Variants in RASA2 observed in about 807,000 individuals in gnomAD.
RASA2 encodes RAS p21 protein activator 2, also known as ras GTPase-activating protein 2.
Under a neutral mutation model 118.2 loss-of-function variants are expected in RASA2, and 155 were observed. The ratio of observed to expected loss-of-function variants is 1.31; its 90% confidence interval spans 1.15 to 1.50. The LOEUF is 1.50. Among genes scored for constraint, RASA2 ranks in the 40% most tolerant of loss-of-function variants. The pLI is 0.00. For missense variants in RASA2, 1,016 were observed against 1,009.6 expected, an observed-to-expected ratio of 1.01 and a Z score of -0.09; for synonymous variants, 353 against 349.1, an observed-to-expected ratio of 1.01 and a Z score of -0.12.
chr3:141,512,193 G>C lies in RASA2; in HGVS notation c.164G>C (p.Gly55Ala), dbSNP rs1185801912. 7 of 1,606,378 alleles carry C rather than the reference G, an allele frequency of 4.4e-6. No homozygotes were observed. Among genetic ancestry groups the C allele is most frequent in the Non-Finnish European group, 5.9e-6 (7 of 1,177,918 alleles). The part of the protein sequence containing the change: ...CEAKNLLPYL[G>A]PHKMRDCFCT... ...GCAAAAAATTTATTGCCATATCTTG[G>C]ACCCCACAAAATGAGAGATTGTTTC... The change falls in exon 2 of 24, where the codon GGA becomes GCA. Residue 55 changes from glycine (G) to alanine (A), a missense_variant. By Grantham distance (60) the Gly-to-Ala change is moderately conservative. Coordinates refer to ENST00000286364, the MANE Select transcript of RASA2 (RefSeq NM_006506.5).
intron 3 of RASA2, among the ~76,000 whole-genome samples, chr3:141,527,326 TCTA>T (rs2082199023): frequency 6.6e-6 from 1 of 152,128 alleles, no homozygotes; most frequent in South Asian, 2.1e-4. Flanking sequence ...TCACCAGAAG[TCTA>T]CTGATTCGTT....
intron 1 of RASA2, among the ~76,000 whole-genome samples, chr3:141,495,320 G>T (rs959574172): frequency 3.9e-5 from 6 of 152,150 alleles, no homozygotes; most frequent in Non-Finnish European, 8.8e-5. Flanking sequence ...ATTGGCTCTA[G>T]AGTCCATCCT....
rs752800746 is a variant in RASA2 at position 141,586,873 on chromosome 3, A to G, written c.1933+121A>G. The stretch of plus-strand genomic sequence containing the variant: ...ATTACTGTAGTTTATGGTTTCTCAC[A>G]CTGATACATACGTACTAAGAATGAA... On this transcript the variant is annotated intron_variant, in intron 19 of 23. Coordinates refer to ENST00000286364, the MANE Select transcript of RASA2 (RefSeq NM_006506.5). 33 of 781,292 alleles carry G rather than the reference A, an allele frequency of 4.2e-5. 1 individual carries two copies. In the Admixed American group the frequency reaches 6.4e-4, roughly 15 times the overall value. The allele number at this position is 781,292 out of a possible 1,614,324, so 48.4% of individuals were successfully genotyped here.
At chr3:141,515,862 T>C (rs2082015499) in intron 2 of RASA2, among the ~76,000 whole-genome samples, 1 of 144,240 alleles carries the variant, frequency 6.9e-6, no homozygotes. Context: ...ATCACGCCAC[T>C]GGACTCCAGC....
chr3:141,539,564 A>G (rs73869657), intron 4 of RASA2, among the ~76,000 whole-genome samples: 1,892 of 152,268 alleles, frequency 0.012, 43 homozygotes, highest in African/African-American at 0.043. Flanking sequence ...TAGATAATGA[A>G]CTTTCCTACC....
At chr3:141,564,193 C>T (rs1458171144) in intron 9 of RASA2, among the ~76,000 whole-genome samples, 1 of 151,988 alleles carries the variant, frequency 6.6e-6, no homozygotes, top group Non-Finnish European at 1.5e-5. Flanking sequence ...GACTGTAGGC[C>T]TGGTAATTTT....
chr3:141,515,805 C>G (rs2082014401), intron 2 of RASA2, among the ~76,000 whole-genome samples: 1 of 149,152 alleles, frequency 6.7e-6, no homozygotes, highest in Admixed American at 6.8e-5. Flanking sequence ...GAGGCTGAGG[C>G]AGGAGAATCG....
intron 1 of RASA2, among the ~76,000 whole-genome samples, chr3:141,489,571 T>C (rs2081616279): frequency 6.6e-6 from 1 of 152,206 alleles, no homozygotes; most frequent in Admixed American, 6.5e-5. Flanking sequence ...TGCTGGCAGA[T>C]TTTATACTAC....
chr3:141,594,582 A>G (rs571051406), intron 19 of RASA2, among the ~76,000 whole-genome samples: 13 of 152,268 alleles, frequency 8.5e-5, no homozygotes, highest in African/African-American at 2.6e-4. Flanking sequence ...TTGACAGCCA[A>G]CTCCTCATAA....
intron 7 of RASA2, among the ~76,000 whole-genome samples, chr3:141,556,987 G>A (rs2082659592): frequency 1.3e-5 from 2 of 152,100 alleles, no homozygotes; most frequent in African/African-American, 4.8e-5. Context: ...TATTAATGGC[G>A]GTTGCATCTA....
At chr3:141,517,420 G>C (rs542474466) in intron 3 of RASA2, among the ~76,000 whole-genome samples, 4 of 152,244 alleles carry the variant, frequency 2.6e-5, no homozygotes, top group Non-Finnish European at 5.9e-5. Flanking sequence ...AAAGGCAAAG[G>C]GGAAGCAAGC....
intron 22 of RASA2, 51 bp downstream of exon 22, chr3:141,609,574 C>G (rs1218786611): frequency 7.4e-7 from 1 of 1,347,056 alleles, no homozygotes; most frequent in African/African-American, 1.5e-5. Context: ...TTACCAATTC[C>G]TAAAGTATTG....
Position 141,516,431 on chromosome 3 carries a change from G to GGCT in RASA2, c.355+1_355+2insCTG. The GGCT allele has an allele frequency of 6.8e-7, 1 of 1,475,260 alleles. No individual in the cohort carries two copies. Among genetic ancestry groups the GGCT allele is most frequent in the Non-Finnish European group, 9.0e-7 (1 of 1,109,322 alleles). The allele number at this position is 1,475,260 out of a possible 1,614,324, so 91.4% of individuals were successfully genotyped here. ...TGTTTTACAAAGAGATCTCCGTATAGGTATGTACTATTCATAATTATCTTT... is the reference window on the plus strand; with the variant it reads ...TGTTTTACAAAGAGATCTCCGTATAGGCTGTATGTACTATTCATAATTATCTTT... On this transcript the variant is annotated stop_gained and inframe_insertion and splice_region_variant. Coordinates refer to ENST00000286364, the MANE Select transcript of RASA2 (RefSeq NM_006506.5). LOFTEE classifies it high-confidence loss of function.
intron 9 of RASA2, among the ~76,000 whole-genome samples, chr3:141,563,073 C>T (rs1480814988): frequency 6.6e-6 from 1 of 152,176 alleles, no homozygotes; most frequent in Admixed American, 6.5e-5. Context: ...TTTAATTACA[C>T]AGACCCTATG....
chr3:141,521,410 T>C (rs74539638), intron 3 of RASA2, among the ~76,000 whole-genome samples: 3,377 of 152,308 alleles, frequency 0.022, 135 homozygotes, highest in African/African-American at 0.076. Context: ...AGGCTATTGG[T>C]AGTTATTAAT....
intron 19 of RASA2, among the ~76,000 whole-genome samples, chr3:141,597,921 C>T (rs2083399868): frequency 6.6e-6 from 1 of 151,998 alleles, no homozygotes. Flanking sequence ...TAACCAGAAA[C>T]TAATATGAGC....
rs922198018 is a variant in RASA2 at position 141,612,926 on chromosome 3, C to G, written c.*613C>G. On this transcript the variant is annotated 3_prime_UTR_variant, in exon 24 of 24. Transcript: ENST00000286364. ...TTTGCCTAAAGATGTAAACAAAACT[C>G]AAGACAGAAGGAATCAGGGAATATG... 6.6e-6 allele frequency: 1 copy of G among 152,214 alleles called. No individual in the cohort carries two copies. Among genetic ancestry groups the G allele is most frequent in the Non-Finnish European group, 1.5e-5 (1 of 68,070 alleles). The allele number at this position is 152,214 out of a possible 1,614,324, so 9.4% of individuals were successfully genotyped here. A position where few individuals can be genotyped will look rare whatever the true frequency, so the allele number is the denominator to read the frequency against.
chr3:141,498,033 T>C (rs980166977), intron 1 of RASA2, among the ~76,000 whole-genome samples: 3 of 152,182 alleles, frequency 2.0e-5, no homozygotes, highest in Non-Finnish European at 2.9e-5. Context: ...AATATGACAT[T>C]TGTGTGAGTG....
chr3:141,560,306 C>T (rs759240782), intron 9 of RASA2, among the ~76,000 whole-genome samples: 3 of 152,038 alleles, frequency 2.0e-5, no homozygotes, highest in East Asian at 3.8e-4. Flanking sequence ...TGTAAGAAAA[C>T]GCTTGGTCAC....
Sources: gnomAD v4.1 joint callset for allele counts (sites outside exome capture counted in the v4.1 genomes callset) on GRCh38, gnomAD v4.1.1 for gene constraint, MANE v1.5 for transcripts, NCBI Gene and HGNC (gene_info 2026-07-23, HGNC 2026-07-21) for gene names.